Variants in SMARCC2 observed in about 807,000 individuals in gnomAD.
SMARCC2 encodes the protein SWI/SNF complex subunit SMARCC2.
Under a neutral mutation model 151.3 loss-of-function variants are expected in SMARCC2, and 15 were observed. The observed-to-expected ratio is 0.10, with a 90% confidence interval of 0.07 to 0.15. The LOEUF (loss-of-function observed/expected upper bound fraction) is 0.15, where lower values mean the gene tolerates loss of function less well. SMARCC2 is among the 10% of genes least tolerant of loss of function. The pLI, the probability that SMARCC2 is intolerant of heterozygous loss-of-function variation, is 1.00. For missense variants in SMARCC2, 1,031 were observed against 1,599.7 expected, an observed-to-expected ratio of 0.64 and a Z score of 6.06; for synonymous variants, 590 against 609.5, an observed-to-expected ratio of 0.97 and a Z score of 0.47.
At chr12:56,184,741 T>A in intron 5 of SMARCC2, 103 bp downstream of exon 5, 1 of 716,448 alleles carries the variant, frequency 1.4e-6, no homozygotes. Context: ...CAGAGCCACC[T>A]CTGAAGCAGA....
At chr12:56,183,756 G>T in intron 7 of SMARCC2, 105 bp downstream of exon 7, 1 of 706,116 alleles carries the variant, frequency 1.4e-6, no homozygotes, top group Non-Finnish European at 2.4e-6. Flanking sequence ...CAAATTAAGT[G>T]ATCTAAAAAT....
rs150779970 is a variant in SMARCC2 at position 56,186,046 on chromosome 12, G to A, written c.317+109C>T. The A allele has an allele frequency of 1.3e-3, 1,062 of 835,572 alleles. 14 individuals carry two copies. The East Asian group carries it at 0.015, about 12-fold the overall frequency. 51.8% of individuals were successfully genotyped at this position (835,572 alleles called of 1,614,324 possible). On this transcript the variant is annotated intron_variant, in intron 3 of 28. Coordinates refer to ENST00000550164, the MANE Select transcript of SMARCC2 (RefSeq NM_001330288.2). ...GTAGTAAGTCAGGTCTACTGACCCA[G>A]CAAAATAAAGAGACTCACAAGAATT... is the stretch of plus-strand genomic sequence containing the variant.
Position 56,163,785 on chromosome 12 carries a change from A to C in SMARCC2, c.3662-20T>G. On this transcript the variant is annotated intron_variant, in intron 28 of 28. Coordinates refer to ENST00000550164, the MANE Select transcript of SMARCC2 (RefSeq NM_001330288.2). ...CTGGGTCTGTGGAGAAAAGGAAGAT[A>C]AATCAGTTAGAGTACGCCGGAGAGA... 6.7e-7 allele frequency: 1 copy of C among 1,494,718 alleles called. No individual in the cohort carries two copies. Among genetic ancestry groups the C allele is most frequent in the Non-Finnish European group, 8.9e-7 (1 of 1,125,610 alleles). 92.6% of individuals were successfully genotyped at this position (1,494,718 alleles called of 1,614,324 possible). A position where few individuals can be genotyped will look rare whatever the true frequency, so the allele number is the denominator to read the frequency against.
intron 7 of SMARCC2, among the ~76,000 whole-genome samples, chr12:56,182,559 G>A (rs373318299): frequency 3.3e-5 from 5 of 151,432 alleles, no homozygotes; most frequent in South Asian, 2.1e-4. Flanking sequence ...TCCTGACCTC[G>A]TGATCCACCC....
rs573200641 is a variant in SMARCC2, at chr12:56,172,898, G to C, written c.1743+39C>G. 2.7e-5 allele frequency: 44 copies of C among 1,605,256 alleles called. No individual in the cohort carries two copies. In the South Asian group the frequency reaches 4.3e-4, roughly 16 times the overall value. On this transcript the variant is annotated intron_variant, in intron 18 of 28. Coordinates refer to ENST00000550164, the MANE Select transcript of SMARCC2 (RefSeq NM_001330288.2). ...CCGGGCAGGGGCCCCCCAATAAAGG[G>C]GAAAATGAGCAGCCCAGCAGGGTCT...
intron 1 of SMARCC2, among the ~76,000 whole-genome samples, chr12:56,188,906 C>T (rs1346807385): frequency 1.3e-5 from 2 of 152,068 alleles, no homozygotes; most frequent in Non-Finnish European, 2.9e-5. Context: ...TTCTCTCTCT[C>T]TGAACATACA....
Position 56,181,000 on chromosome 12 carries a change from T to A in SMARCC2, c.1058A>T (p.Glu353Val), listed in dbSNP as rs1302107686. Residue 353 changes from glutamate (E) to valine (V), a missense_variant, in exon 11 of 29, where the codon GAA (glutamate) becomes GTA (valine). Physicochemically the swap from Glu to Val is moderately radical, Grantham distance 121. This residue lies in a region of SMARCC2 where 127 missense variants were observed against 141.7 expected (regional missense o/e 0.90). Coordinates refer to ENST00000550164, the MANE Select transcript of SMARCC2 (RefSeq NM_001330288.2). ...MDEPSPVPNV[E>V]EVTLPKTVNT... ...ACCTGTTTTGGGAAGTGTCACCTCT[T>A]CTACATTGGGGACTGGTGAGGGCTC... 6.2e-7 allele frequency: 1 copy of A among 1,613,524 alleles called. No homozygotes were observed. Among genetic ancestry groups the A allele is most frequent in the East Asian group, 2.2e-5 (1 of 44,886 alleles).
chr12:56,176,304 T>C (rs953228564), intron 15 of SMARCC2, among the ~76,000 whole-genome samples: 1 of 152,166 alleles, frequency 6.6e-6, no homozygotes, highest in South Asian at 2.1e-4. Flanking sequence ...TAGCAAGCTA[T>C]GAAGAAAAAA....
At chr12:56,188,571 T>C (rs1486139005) in intron 1 of SMARCC2, among the ~76,000 whole-genome samples, 1 of 152,184 alleles carries the variant, frequency 6.6e-6, no homozygotes, top group African/African-American at 2.4e-5. Flanking sequence ...TTCTTGAACC[T>C]TTTGTTCACC....
chr12:56,183,719 A>G, intron 7 of SMARCC2, 142 bp downstream of exon 7: 1 of 578,530 alleles, frequency 1.7e-6, no homozygotes, highest in Non-Finnish European at 3.1e-6. Flanking sequence ...CCCAAGACAG[A>G]GGTTCACTTA....
intron 28 of SMARCC2, 100 bp downstream of exon 28, chr12:56,164,203 T>C: frequency 9.5e-7 from 1 of 1,058,020 alleles, no homozygotes; most frequent in Non-Finnish European, 1.4e-6. Flanking sequence ...AAAAGGATTG[T>C]GGAAACTCTA....
intron 1 of SMARCC2, among the ~76,000 whole-genome samples, chr12:56,188,624 G>C (rs1332599170): frequency 6.6e-6 from 1 of 152,206 alleles, no homozygotes; most frequent in Admixed American, 6.5e-5. Context: ...TGAGGGGCTA[G>C]AGATAGGAAG....
rs368021157 is a variant in SMARCC2 at position 56,178,897 on chromosome 12, A to G, written c.1142-50T>C. The G allele has an allele frequency of 7.4e-5, 119 of 1,606,356 alleles. No homozygotes were observed. The African/African-American group carries it at 1.2e-3, about 17-fold the overall frequency. On this transcript the variant is annotated intron_variant, in intron 12 of 28. Transcript: ENST00000550164. ...AGGCTGGAGCCTCCTGAGGGGCAAG[A>G]AAGCCCTACCAAAAGCCCATCAGGC...
At chr12:56,173,145 C>A in intron 17 of SMARCC2, 116 bp from the exon 18 acceptor site, 1 of 778,178 alleles carries the variant, frequency 1.3e-6, no homozygotes, top group South Asian at 1.5e-5. Flanking sequence ...ACTCATGCCA[C>A]TGTTCCATGT....
chr12:56,168,437 T>C (rs902435417), intron 25 of SMARCC2, among the ~76,000 whole-genome samples: 2 of 151,702 alleles, frequency 1.3e-5, no homozygotes, highest in Admixed American at 6.6e-5. Context: ...TACAGTGGCA[T>C]GATCTCAGCT....
At chr12:56,172,743 C>T in intron 18 of SMARCC2, 39 bp from the exon 19 acceptor site, 1 of 1,610,862 alleles carries the variant, frequency 6.2e-7, no homozygotes, top group Middle Eastern at 1.7e-4. Context: ...GTACAAGTGA[C>T]CACCGGGAGC....
chr12:56,171,452 T>C lies in SMARCC2; in HGVS notation c.2186-20A>G. ...ACTCCTCTGCAAGACCCAGAAAGAA[T>C]GAGGCTGGGAGCGGCACAGTGGAAC... On this transcript the variant is annotated intron_variant, in intron 21 of 28. Coordinates refer to ENST00000550164, the MANE Select transcript of SMARCC2 (RefSeq NM_001330288.2). The surrounding 1 kb of genome is among the most constrained non-coding windows in gnomAD (Gnocchi z 4.2). The C allele has an allele frequency of 6.2e-7, 1 of 1,614,148 alleles. No individual in the cohort carries two copies. The highest frequency in any genetic ancestry group is 8.5e-7 in the Non-Finnish European group (1 of 1,180,004).
rs1039662553 is a variant in SMARCC2 at position 56,162,466 on chromosome 12, G to A, written c.*1223C>T. 1.4e-5 allele frequency: 8 copies of A among 589,286 alleles called. No individual in the cohort carries two copies. Among genetic ancestry groups the A allele is most frequent in the Non-Finnish European group, 2.1e-5 (7 of 337,202 alleles). The allele number at this position is 589,286 out of a possible 1,614,324, so 36.5% of individuals were successfully genotyped here. A position where few individuals can be genotyped will look rare whatever the true frequency, so the allele number is the denominator to read the frequency against. On this transcript the variant is annotated 3_prime_UTR_variant, in exon 29 of 29. Transcript: ENST00000550164. Reference sequence around the variant, plus strand: ...GAAGAAAGGTGCTAAGACGCAGAGGGAGAGAAACATGGGGACATGAGGAAC... The same window carrying A: ...GAAGAAAGGTGCTAAGACGCAGAGGAAGAGAAACATGGGGACATGAGGAAC...
intron 26 of SMARCC2, among the ~76,000 whole-genome samples, chr12:56,167,023 A>G (rs889338522): frequency 2.7e-5 from 4 of 147,370 alleles, no homozygotes; most frequent in African/African-American, 5.1e-5. Flanking sequence ...TGATTGCACC[A>G]CTGCACTCCA....
Sources: allele counts gnomAD v4.1 joint callset (sites outside exome capture counted in the v4.1 genomes callset), GRCh38; gene constraint gnomAD v4.1.1; regional missense constraint gnomAD v4.1.1; non-coding constraint Gnocchi (gnomAD v3.1); transcripts MANE v1.5; gene names NCBI Gene and HGNC (gene_info 2026-07-23, HGNC 2026-07-21).